ZBBX: variants seen among roughly 807,000 people sequenced by gnomAD.
ZBBX encodes zinc finger B-box domain containing, also known as zinc finger B-box domain-containing protein 1.
Under a neutral mutation model 108.5 loss-of-function variants are expected in ZBBX, and 101 were observed. That is an observed-to-expected ratio of 0.93 (90% CI 0.79 to 1.10). The LOEUF is 1.10. ZBBX is among the 50% of genes least tolerant of loss of function. The probability of loss-of-function intolerance (pLI) is 0.00; values close to 1 mark genes in which losing one functional copy is unlikely to be tolerated. For synonymous variants in ZBBX, 356 were observed against 323.4 expected (o/e 1.10, Z -1.08); for missense variants, 1,009 against 941.4 (o/e 1.07, Z -0.94).
At chr3:167,326,129 T>C (rs552071682) in intron 11 of ZBBX, among the ~76,000 whole-genome samples, 1 of 152,306 alleles carries the variant, frequency 6.6e-6, no homozygotes, top group Admixed American at 6.5e-5. Context: ...TACTGGGAAT[T>C]AGAAATAAAA....
rs765520253 is a variant in ZBBX at position 167,333,959 on chromosome 3, T to C, written c.555A>G (p.Val185=). 3.1e-6 allele frequency: 5 copies of C among 1,588,252 alleles called. No individual in the cohort carries two copies. The African/African-American group carries it at 5.4e-5, about 17-fold the overall frequency. ...LQAKSQILFN[V]LDVAHQFIKD... is the part of the protein sequence containing the mutation. ...TTATAAACTGATGGGCAACATCCAA[T>C]ACATTGAATAATATTTGAGATTTTG... Residue 185 remains valine (V), a synonymous_variant, in exon 10 of 22, where the codon GTA becomes GTG. Transcript: ENST00000675490.
the ZBBX span, among the ~76,000 whole-genome samples, chr3:167,218,914 T>C: frequency 6.6e-6 from 1 of 151,784 alleles, no homozygotes; most frequent in Non-Finnish European, 1.5e-5. Flanking sequence ...ACACATAGAC[T>C]GAAAAATCAA....
At chr3:167,314,161 AT>A (rs1232870437) in intron 15 of ZBBX, 45 bp from the exon 16 acceptor site, 30 of 1,509,870 alleles carry the variant, frequency 2.0e-5, no homozygotes, top group Non-Finnish European at 2.5e-5. Context: ...TGAAAAAATG[AT>A]TTTAAAAAGA....
At chr3:167,219,353 T>C in the ZBBX span, among the ~76,000 whole-genome samples, 2 of 152,052 alleles carry the variant, frequency 1.3e-5, no homozygotes, top group Non-Finnish European at 2.9e-5. Flanking sequence ...CATAAATTAT[T>C]TTCAAGGATA....
At chr3:167,360,822 T>A in intron 6 of ZBBX, 99 bp from the exon 7 acceptor site, 1 of 581,992 alleles carries the variant, frequency 1.7e-6, no homozygotes, top group Non-Finnish European at 2.7e-6. Flanking sequence ...TTGGTGCTTT[T>A]CGAACAAAAA....
intron 4 of ZBBX, among the ~76,000 whole-genome samples, chr3:167,369,592 TCAAA>T (rs1745859342): frequency 6.6e-6 from 1 of 152,194 alleles, no homozygotes; most frequent in African/African-American, 2.4e-5. Flanking sequence ...AGCTACTACC[TCAAA>T]CAAACACTGC....
At chr3:167,287,278 T>A (rs1729876529) in intron 19 of ZBBX, among the ~76,000 whole-genome samples, 1 of 152,122 alleles carries the variant, frequency 6.6e-6, no homozygotes, top group Admixed American at 6.6e-5. Context: ...TATCAAAAAA[T>A]TTATAGCACT....
intron 2 of ZBBX, among the ~76,000 whole-genome samples, chr3:167,377,389 A>G (rs955879617): frequency 1.3e-5 from 2 of 152,162 alleles, no homozygotes; most frequent in African/African-American, 4.8e-5. Context: ...CTGAAAACTT[A>G]TCTAAGTTTA....
rs778728320 is a variant in ZBBX, at chr3:167,387,271, G to C, written c.-445-6866C>G. Among the ~76,000 whole-genome samples, 48 of 152,072 alleles carry C rather than the reference G, an allele frequency of 3.2e-4. 1 individual carries two copies. The highest frequency in any genetic ancestry group is 1.9e-3 in the South Asian group (9 of 4,830). On this transcript the variant is annotated intron_variant, in intron 1 of 21. Transcript: ENST00000455345. Reference sequence around the variant, plus strand: ...CTATGAACAGAAAGATTTGTATTCTGTACTTGTGAAAAATATAGGCTAGAT... The same window carrying C: ...CTATGAACAGAAAGATTTGTATTCTCTACTTGTGAAAAATATAGGCTAGAT...
At chr3:167,216,512 A>G in the ZBBX span, among the ~76,000 whole-genome samples, 5 of 152,196 alleles carry the variant, frequency 3.3e-5, no homozygotes, top group Admixed American at 6.5e-5. Context: ...GCTCATTGAT[A>G]GGAAGAATCA....
chr3:167,367,678 C>T (rs951406), intron 5 of ZBBX, among the ~76,000 whole-genome samples: 69,926 of 150,520 alleles, frequency 0.46, 17,189 homozygotes, highest in African/African-American at 0.63. Context: ...CGTATACTTA[C>T]ACAAAGATAA....
chr3:167,275,584 G>A (rs1727400544), intron 20 of ZBBX, among the ~76,000 whole-genome samples: 1 of 152,302 alleles, frequency 6.6e-6, no homozygotes, highest in African/African-American at 2.4e-5. Flanking sequence ...CTTAAAAAAC[G>A]GCGCACCAGG....
intron 1 of ZBBX, among the ~76,000 whole-genome samples, chr3:167,388,967 C>CT: frequency 6.6e-6 from 1 of 151,880 alleles, no homozygotes; most frequent in African/African-American, 2.4e-5. Flanking sequence ...CTTTTCTTTT[C>CT]TTTTTTATTT....
chr3:167,188,579 T>C, the ZBBX span, among the ~76,000 whole-genome samples: 2 of 152,228 alleles, frequency 1.3e-5, no homozygotes, highest in African/African-American at 4.8e-5. Context: ...ATCACCATGT[T>C]ACTGAGAGTG....
At chr3:167,247,415 C>T (rs1721771672) in intron 20 of ZBBX, among the ~76,000 whole-genome samples, 1 of 152,178 alleles carries the variant, frequency 6.6e-6, no homozygotes, top group Non-Finnish European at 1.5e-5. Flanking sequence ...GCTTCCCCAT[C>T]AGCGGAGAGC....
the ZBBX span, among the ~76,000 whole-genome samples, chr3:167,234,781 A>G: frequency 6.6e-6 from 1 of 151,740 alleles, no homozygotes; most frequent in Non-Finnish European, 1.5e-5. Flanking sequence ...ATTTTATTCT[A>G]AGAGCCAATG....
At chr3:167,183,298 C>T in the ZBBX span, among the ~76,000 whole-genome samples, 1 of 152,228 alleles carries the variant, frequency 6.6e-6, no homozygotes, top group Non-Finnish European at 1.5e-5. Context: ...CCAAGCTCCC[C>T]TTCTTACTCA....
At position 167,282,201 on chromosome 3, in the gene ZBBX, T is replaced by G. The variant is rs778329287; in HGVS notation, c.2254+37A>C. The G allele has an allele frequency of 7.6e-6, 12 of 1,571,048 alleles. No homozygotes were observed. The South Asian group carries it at 1.4e-4, about 19-fold the overall frequency. ...AGAATCCGGCTGAGGGCAGAGTTAA[T>G]TAGCATTATCTAAAGTGAAAAAAAA... On this transcript the variant is annotated intron_variant, in intron 20 of 21. Transcript: ENST00000675490.
At chr3:167,385,287 G>C (rs756056253), upstream of ZBBX, among the ~76,000 whole-genome samples, 41 of 151,958 alleles carry the variant, frequency 2.7e-4, no homozygotes, top group South Asian at 1.5e-3. Context: ...TAACACAATG[G>C]TCAGTATTTG....
Sources: allele counts gnomAD v4.1 joint callset (sites outside exome capture counted in the v4.1 genomes callset), GRCh38; gene constraint gnomAD v4.1.1; transcripts MANE v1.5; gene names NCBI Gene and HGNC (gene_info 2026-07-23, HGNC 2026-07-21).